The following SLC30A3 variants were observed in gnomAD, a reference collection of about 807,000 sequenced individuals.
SLC30A3 encodes probable proton-coupled zinc antiporter SLC30A3.
SLC30A3 carries 20 observed loss-of-function variants against 35.6 expected under a neutral mutation model. The observed-to-expected ratio is 0.56, with a 90% CI of 0.39 to 0.82. The LOEUF is 0.82. SLC30A3 is among the 40% of genes least tolerant of loss of function. The probability of loss-of-function intolerance (pLI) is 0.00; values close to 1 mark genes in which losing one functional copy is unlikely to be tolerated. For missense variants in SLC30A3, 401 were observed against 530.6 expected (o/e 0.76, Z 2.40); for synonymous variants, 217 against 224.7 (o/e 0.97, Z 0.31).
At chr2:27,270,275 A>C (rs981014277) in intron 1 of SLC30A3, among the ~76,000 whole-genome samples, 1 of 152,228 alleles carries the variant, frequency 6.6e-6, no homozygotes, top group Non-Finnish European at 1.5e-5. Context: ...TATTAGAAGT[A>C]TTAAAACAGA....
In SLC30A3 at chr2:27,262,881, C is replaced by A. The variant is rs778275630; in HGVS notation, c.26G>T (p.Gly9Val). Residue 9 changes from glycine to valine, a missense_variant, in exon 1 of 8, where the codon GGC (glycine) becomes GTC (valine). Transcript: ENST00000233535. This position sits in a 1 kb window ranked among gnomAD's most constrained non-coding sequence, Gnocchi z 7.5. ...GCTCACCAGGCGAGTGGTCTCCAAG[C>A]CCCCAGCGGCTGGAGAGGGCTCCAT... MEPSPAAG[G>V]LETTRLVSPR... 8 of 1,557,080 alleles carry A rather than the reference C, an allele frequency of 5.1e-6. No individual in the cohort carries two copies. The Admixed American group carries it at 1.4e-4, about 28-fold the overall frequency.
intron 1 of SLC30A3, among the ~76,000 whole-genome samples, chr2:27,260,659 T>C (rs1677132814): frequency 6.6e-6 from 1 of 152,098 alleles, no homozygotes; most frequent in East Asian, 1.9e-4. Flanking sequence ...AGCAGCAAAG[T>C]GGGGCGGGAT....
upstream of SLC30A3, among the ~76,000 whole-genome samples, chr2:27,267,903 C>G (rs141019267): frequency 3.9e-3 from 599 of 151,694 alleles, 1 homozygote; most frequent in African/African-American, 0.014. Flanking sequence ...CCACTGCACT[C>G]CAGCCTGGGC....
At chr2:27,266,035 C>A (rs1382651492), upstream of SLC30A3, among the ~76,000 whole-genome samples, 1 of 151,626 alleles carries the variant, frequency 6.6e-6, no homozygotes, top group Non-Finnish European at 1.5e-5. Context: ...ACACTCTCAT[C>A]GCACAATACT....
chr2:27,271,046 C>A lies in SLC30A3; in HGVS notation c.-159+4131G>T, dbSNP rs1677708701. Among the ~76,000 whole-genome samples the A allele has an allele frequency of 1.3e-5, 2 of 152,128 alleles. No individual in the cohort carries two copies. Among genetic ancestry groups the A allele is most frequent in the South Asian group, 2.1e-4 (1 of 4,822 alleles). On this transcript the variant is annotated intron_variant, in intron 1 of 5. Transcript: ENST00000424577. This position sits in a 1 kb window ranked among gnomAD's most constrained non-coding sequence, Gnocchi z 4.3. Reference sequence around the variant, plus strand: ...TCAGATCTCACTAGATAACCTTAAGCAGGTCAATCCGCCTTTCTGGGCTGC... The same window carrying A: ...TCAGATCTCACTAGATAACCTTAAGAAGGTCAATCCGCCTTTCTGGGCTGC...
chr2:27,257,829 G>A lies in SLC30A3; in HGVS notation c.578+76C>T. The A allele has an allele frequency of 7.0e-7, 1 of 1,435,224 alleles. No homozygotes were observed. The highest frequency in any genetic ancestry group is 9.6e-7 in the Non-Finnish European group (1 of 1,046,888). 88.9% of individuals were successfully genotyped at this position (1,435,224 alleles called of 1,614,324 possible). ...GTCTGTGTGTCTGGTGGGGAGGAGA[G>A]AGCCAGCTCTCCCATCCTGGAGGAA... is the stretch of plus-strand genomic sequence containing the variant. On this transcript the variant is annotated intron_variant, in intron 4 of 7. Transcript: ENST00000233535. The surrounding 1 kb of genome is among the most constrained non-coding windows in gnomAD (Gnocchi z 4.7).
intron 7 of SLC30A3, 183 bp downstream of exon 7, chr2:27,256,203 C>T (rs1471427149): frequency 1.0e-5 from 7 of 695,658 alleles, no homozygotes; most frequent in Non-Finnish European, 1.4e-5. Context: ...CTCCTTGTCT[C>T]CAACATGCAC....
rs769953328 is a variant in SLC30A3 at position 27,257,325 on chromosome 2, C to G, written c.606G>C (p.Gly202=). 3 of 1,612,862 alleles carry G rather than the reference C, an allele frequency of 1.9e-6. No homozygotes were observed. The highest frequency in any genetic ancestry group is 1.7e-5 in the Admixed American group (1 of 59,886). The change falls in exon 5 of 8, where the codon GGG becomes GGC. Residue 202 remains glycine, a synonymous_variant. Transcript: ENST00000233535. This position sits in a 1 kb window ranked among gnomAD's most constrained non-coding sequence, Gnocchi z 4.7. ...LLMAFVLHQA[G]PPHSHGSRGA... is the part of the protein sequence containing the mutation. ...CCCTAGACCCGTGGCTGTGGGGGGG[C>G]CCAGCCTGGTGCAGCACAAAGGCCA...
At position 27,255,206 on chromosome 2, in the gene SLC30A3, A is replaced by G. The variant is rs1553373205; in HGVS notation, c.*106T>C. The G allele has an allele frequency of 6.2e-7, 1 of 1,603,376 alleles. No individual in the cohort carries two copies. The highest frequency in any genetic ancestry group is 8.5e-7 in the Non-Finnish European group (1 of 1,178,044). On this transcript the variant is annotated 3_prime_UTR_variant, in exon 8 of 8. Transcript: ENST00000233535. This position sits in a 1 kb window ranked among gnomAD's most constrained non-coding sequence, Gnocchi z 5.2. ...GGCAGGTGGTAGGAGGGAGAGAGGA[A>G]GGGGTATGGACCTGGCTCGGTCCCG...
In SLC30A3 at chr2:27,255,025, T is replaced by C. The variant is rs1463425169; in HGVS notation, c.*287A>G. On this transcript the variant is annotated 3_prime_UTR_variant, in exon 8 of 8. Coordinates refer to ENST00000233535, the MANE Select transcript of SLC30A3 (RefSeq NM_003459.5). This position sits in a 1 kb window ranked among gnomAD's most constrained non-coding sequence, Gnocchi z 5.2. ...TGGCTCCACATGAACCATGGGGAGA[T>C]GGCACCACAGGCCTTCAACACACCC... 6 of 1,315,218 alleles carry C rather than the reference T, an allele frequency of 4.6e-6. No homozygotes were observed. Among genetic ancestry groups the C allele is most frequent in the Non-Finnish European group, 5.0e-6 (5 of 1,006,962 alleles). 81.5% of individuals were successfully genotyped at this position (1,315,218 alleles called of 1,614,324 possible).
rs1572469600 is a variant in SLC30A3 at position 27,257,216 on chromosome 2, C to G, written c.715G>C (p.Val239Leu). 1 of 1,613,950 alleles carries G rather than the reference C, an allele frequency of 6.2e-7. No individual in the cohort carries two copies. The highest frequency in any genetic ancestry group is 1.3e-5 in the African/African-American group (1 of 74,888). ...AAGCTCTGCAGGAGGTCCCCCAGCA[C>G]GTGCACAAATGCCGCCCGGACGCTG... ...NTSVRAAFVHVLGDLLQSFGV... is the reference protein window; with the variant it reads ...NTSVRAAFVHLLGDLLQSFGV... Residue 239 changes from valine (V) to leucine (L), a missense_variant, in exon 5 of 8, where the codon GTG becomes CTG. By Grantham distance (32) the Val-to-Leu change is conservative (BLOSUM62 1). Transcript: ENST00000233535. The surrounding 1 kb of genome is among the most constrained non-coding windows in gnomAD (Gnocchi z 4.7).
chr2:27,256,364 A>G, intron 7 of SLC30A3, 22 bp downstream of exon 7: 2 of 1,613,302 alleles, frequency 1.2e-6, no homozygotes, highest in South Asian at 2.2e-5. Flanking sequence ...GGTAGTAACT[A>G]GCTGGGGCCA....
chr2:27,274,749 A>G (rs971587796), intron 1 of SLC30A3, among the ~76,000 whole-genome samples: 4 of 152,236 alleles, frequency 2.6e-5, no homozygotes, highest in African/African-American at 9.6e-5. Flanking sequence ...ATCCTTAGGA[A>G]AAAAAATTAG....
At chr2:27,263,737 C>G (rs1298964486), upstream of SLC30A3, among the ~76,000 whole-genome samples, 3 of 147,754 alleles carry the variant, frequency 2.0e-5, no homozygotes, top group Non-Finnish European at 4.5e-5. Flanking sequence ...GAATAAAGGG[C>G]CCGGCCTGGA....
At chr2:27,264,085 G>A, upstream of SLC30A3, 1 of 1,287,472 alleles carries the variant, frequency 7.8e-7, no homozygotes, top group Non-Finnish European at 1.0e-6. The surrounding 1 kb of genome is among the most constrained non-coding windows in gnomAD (Gnocchi z 6.1). Flanking sequence ...TGCCGCCACT[G>A]TAGAATGGGA....
intron 1 of SLC30A3, among the ~76,000 whole-genome samples, chr2:27,270,898 T>G (rs1190278700): frequency 6.6e-6 from 1 of 152,100 alleles, no homozygotes; most frequent in Non-Finnish European, 1.5e-5. Flanking sequence ...GAACATTACC[T>G]GACATCACCC....
exon 1 of SLC30A3, chr2:27,275,330 G>A: frequency 1.4e-6 from 1 of 728,954 alleles, no homozygotes; most frequent in Non-Finnish European, 2.1e-6. Flanking sequence ...TTGGGCCGCA[G>A]GCCTGCTAAG....
At position 27,257,001 on chromosome 2, in the gene SLC30A3, G is replaced by A. The variant is rs1243479273; in HGVS notation, c.778-108C>T. The A allele has an allele frequency of 2.7e-6, 3 of 1,106,576 alleles. No homozygotes were observed. The South Asian group carries it at 3.9e-5, about 15-fold the overall frequency. The allele number at this position is 1,106,576 out of a possible 1,614,324, so 68.5% of individuals were successfully genotyped here. A position where few individuals can be genotyped will look rare whatever the true frequency, so the allele number is the denominator to read the frequency against. ...GAGAGGCCCCTCAAAACCCTGAAGA[G>A]GGGACAGGGAACATGACTCATGTCT... On this transcript the variant is annotated intron_variant, in intron 5 of 7. Coordinates refer to ENST00000233535, the MANE Select transcript of SLC30A3 (RefSeq NM_003459.5). This position sits in a 1 kb window ranked among gnomAD's most constrained non-coding sequence, Gnocchi z 4.7.
chr2:27,275,500 T>C (rs932787158), upstream of SLC30A3: 1 of 330,712 alleles, frequency 3.0e-6, no homozygotes, highest in Non-Finnish European at 6.0e-6. Flanking sequence ...GGTGTGAAGT[T>C]TCACACCCAA....
Sources: allele counts gnomAD v4.1 joint callset (sites outside exome capture counted in the v4.1 genomes callset), GRCh38; gene constraint gnomAD v4.1.1; non-coding constraint Gnocchi (gnomAD v3.1); transcripts MANE v1.5; gene names NCBI Gene and HGNC (gene_info 2026-07-23, HGNC 2026-07-21).